SRBD1: variants seen among roughly 807,000 people sequenced by gnomAD.
The protein encoded by SRBD1 is S1 RNA binding domain 1.
Under a neutral mutation model 115.3 loss-of-function variants are expected in SRBD1, and 88 were observed. The ratio of observed to expected loss-of-function variants is 0.76; its 90% CI spans 0.64 to 0.91. SRBD1 has a LOEUF of 0.91. SRBD1 is among the 40% of genes least tolerant of loss of function. The pLI, the probability that SRBD1 is intolerant of heterozygous loss-of-function variation, is 0.00. For missense variants in SRBD1, 1,385 were observed against 1,177.4 expected (o/e 1.18, Z -2.58); for synonymous variants, 509 against 407.7 (o/e 1.25, Z -2.99).
intron 16 of SRBD1, chr2:45,448,194 A>G (rs1668884961): frequency 6.6e-6 from 1 of 152,186 alleles, no homozygotes; most frequent in Admixed American, 6.5e-5. Flanking sequence ...AGGTAGACTT[A>G]GTTTCAAATC....
intron 16 of SRBD1, among the ~76,000 whole-genome samples, chr2:45,450,653 A>T (rs1288117547): frequency 6.6e-6 from 1 of 152,194 alleles, no homozygotes; most frequent in East Asian, 1.9e-4. Context: ...ATTACAGAAC[A>T]GAAAGATGTT....
chr2:45,562,940 T>C (rs955591099), intron 9 of SRBD1, among the ~76,000 whole-genome samples, 184 bp from the exon 10 acceptor site: 5 of 152,192 alleles, frequency 3.3e-5, no homozygotes, highest in African/African-American at 7.2e-5. Flanking sequence ...AACCCTAACA[T>C]GCTCTTAGAA....
rs190903936 is a variant in SRBD1, at chr2:45,491,615, C to T, written c.1875-3284G>A. 2.8e-3 allele frequency among the ~76,000 whole-genome samples: 421 copies of T among 152,142 alleles called. 1 individual carries two copies. The highest frequency in any genetic ancestry group is 9.5e-3 in the African/African-American group (396 of 41,514). ...AGCTAGCATTGAATTTACATTTTAC[C>T]AGATCTAAAAGTTAATATGCCAATT... On this transcript the variant is annotated intron_variant, in intron 14 of 20. Transcript: ENST00000263736.
chr2:45,515,399 C>T (rs1671089592), intron 14 of SRBD1, among the ~76,000 whole-genome samples: 1 of 152,122 alleles, frequency 6.6e-6, no homozygotes, highest in Admixed American at 6.6e-5. Flanking sequence ...CTCAAGAACC[C>T]ATATTCTTAA....
intron 14 of SRBD1, among the ~76,000 whole-genome samples, chr2:45,494,919 C>A (rs1363104512): frequency 6.6e-6 from 1 of 152,060 alleles, no homozygotes; most frequent in Non-Finnish European, 1.5e-5. Context: ...CAATTACCAG[C>A]GTTTTGTTTT....
intron 9 of SRBD1, among the ~76,000 whole-genome samples, chr2:45,563,146 T>C (rs34982491): frequency 0.13 from 19,495 of 152,108 alleles, 1,321 homozygotes; most frequent in East Asian, 0.21. Flanking sequence ...CAATATTTAG[T>C]AGCTACAAAT....
chr2:45,604,892 A>T (rs1260732731), intron 2 of SRBD1, among the ~76,000 whole-genome samples: 1 of 152,196 alleles, frequency 6.6e-6, no homozygotes, highest in Non-Finnish European at 1.5e-5. Flanking sequence ...AGAGATTCTC[A>T]ACTGGGGATA....
intron 14 of SRBD1, among the ~76,000 whole-genome samples, chr2:45,502,268 T>C (rs1445394658): frequency 6.6e-6 from 1 of 152,180 alleles, no homozygotes; most frequent in East Asian, 1.9e-4. Context: ...GACAGTGTGG[T>C]GATTCCTCAA....
At chr2:45,479,913 T>C (rs1669910574) in intron 15 of SRBD1, among the ~76,000 whole-genome samples, 1 of 152,184 alleles carries the variant, frequency 6.6e-6, no homozygotes, top group South Asian at 2.1e-4. Flanking sequence ...GACTTTAAGC[T>C]GAAGTCAAGG....
At chr2:45,541,514 G>A (rs939396546) in intron 14 of SRBD1, among the ~76,000 whole-genome samples, 29 of 152,248 alleles carry the variant, frequency 1.9e-4, no homozygotes, top group African/African-American at 6.8e-4. Context: ...ACTGGAGGGT[G>A]AGCAAGGCAG....
chr2:45,414,006 T>C (rs1468484361), intron 18 of SRBD1, among the ~76,000 whole-genome samples: 1 of 152,072 alleles, frequency 6.6e-6, no homozygotes, highest in Non-Finnish European at 1.5e-5. Context: ...ATATAAATAA[T>C]CTTTAAAATT....
chr2:45,599,339 G>T (rs1674012147), intron 4 of SRBD1, 110 bp downstream of exon 4: 8 of 1,441,758 alleles, frequency 5.5e-6, no homozygotes, highest in Non-Finnish European at 7.5e-6. Flanking sequence ...TGGCAAAACT[G>T]AAGAGAGAAT....
chr2:45,550,016 T>C (rs1002996862), intron 12 of SRBD1, among the ~76,000 whole-genome samples: 5 of 151,940 alleles, frequency 3.3e-5, no homozygotes, highest in Non-Finnish European at 5.9e-5. Context: ...TAAAGGCTAA[T>C]AGAAAATAAA....
At chr2:45,464,852 C>A (rs1305158838) in intron 16 of SRBD1, among the ~76,000 whole-genome samples, 1 of 151,902 alleles carries the variant, frequency 6.6e-6, no homozygotes, top group South Asian at 2.1e-4. Flanking sequence ...AAGTTGTATG[C>A]CAAATACAAC....
At chr2:45,583,957 T>A (rs887327694) in intron 5 of SRBD1, among the ~76,000 whole-genome samples, 22 of 152,230 alleles carry the variant, frequency 1.4e-4, no homozygotes, top group Non-Finnish European at 2.9e-4. Context: ...ATACAGCTCC[T>A]ATTTGTCTCC....
rs567520810 is a variant in SRBD1, at chr2:45,391,490, T to C, written c.2698+1455A>G. ...ACGTGGAAATGCCCAAAATACTATCTGCCCCCTCGAAAGTATAGTTTGTAA... is the reference window on the plus strand; with the variant it reads ...ACGTGGAAATGCCCAAAATACTATCCGCCCCCTCGAAAGTATAGTTTGTAA... On this transcript the variant is annotated intron_variant, in intron 20 of 20. Transcript: ENST00000263736. Among the ~76,000 whole-genome samples the C allele has an allele frequency of 1.4e-3, 218 of 152,328 alleles. 1 individual carries two copies. The highest frequency in any genetic ancestry group is 4.9e-3 in the African/African-American group (204 of 41,582).
At chr2:45,602,130 T>G in intron 2 of SRBD1, 47 bp from the exon 3 acceptor site, 1 of 1,561,268 alleles carries the variant, frequency 6.4e-7, no homozygotes, top group Non-Finnish European at 8.6e-7. Flanking sequence ...TAAAAGCAAA[T>G]GTCAAAGGTA....
chr2:45,595,383 T>A (rs771650806), intron 4 of SRBD1, among the ~76,000 whole-genome samples: 1 of 152,334 alleles, frequency 6.6e-6, no homozygotes, highest in Non-Finnish European at 1.5e-5. Context: ...ACTTAATAAT[T>A]TCCATACAAT....
At chr2:45,550,780 T>G (rs931340200) in intron 12 of SRBD1, among the ~76,000 whole-genome samples, 3 of 152,142 alleles carry the variant, frequency 2.0e-5, no homozygotes, top group Admixed American at 2.0e-4. Context: ...AAATGTCTTT[T>G]GGTATTTAAA....
Sources: allele counts gnomAD v4.1 joint callset (sites outside exome capture counted in the v4.1 genomes callset), GRCh38; gene constraint gnomAD v4.1.1; transcripts MANE v1.5; gene names NCBI Gene and HGNC (gene_info 2026-07-23, HGNC 2026-07-21).